The following DNAH11 variants were observed in gnomAD, a reference collection of about 807,000 sequenced individuals.
The protein encoded by DNAH11 is axonemal beta dynein heavy chain 11.
Under a neutral mutation model 526.0 loss-of-function variants are expected in DNAH11, and 442 were observed. That is an observed-to-expected ratio of 0.84 (90% CI 0.78 to 0.91). The LOEUF (loss-of-function observed/expected upper bound fraction) is 0.91, where lower values mean the gene tolerates loss of function less well. Ranked by LOEUF, DNAH11 falls within the 40% of genes least tolerant of loss-of-function variation. DNAH11 has a pLI of 0.00. For synonymous variants in DNAH11, 2,461 were observed against 1,935.9 expected (o/e 1.27, Z -7.12); for missense variants, 6,989 against 5,448.7 (o/e 1.28, Z -8.90).
intron 40 of DNAH11, among the ~76,000 whole-genome samples, chr7:21,708,103 A>G (rs897247344): frequency 2.6e-5 from 4 of 152,196 alleles, no homozygotes; most frequent in African/African-American, 7.2e-5. Flanking sequence ...ATCAGGAGTG[A>G]AGTCAACATG....
chr7:21,689,018 G>A (rs1452797056), intron 34 of DNAH11, among the ~76,000 whole-genome samples: 1 of 152,156 alleles, frequency 6.6e-6, no homozygotes, highest in African/African-American at 2.4e-5. Context: ...TTTACCTGTT[G>A]TAGAAGTTTC....
At position 21,725,984 on chromosome 7, in the gene DNAH11, G is replaced by A; in HGVS notation, c.7440G>A (p.Gln2480=). 6.5e-7 allele frequency: 1 copy of A among 1,548,384 alleles called. No homozygotes were observed. ...CTATGGATCCAGATGTGCCTCTGCA[G>A]GTAGGTGTGTGGAACATAGCAATTG... The part of the protein sequence containing the change: ...QFTMDPDVPL[Q]TVLVHTTETA... Residue 2480 remains glutamine (Q), a splice_region_variant and synonymous_variant, in exon 45 of 82, where the codon CAG becomes CAA. Transcript: ENST00000409508.
intron 45 of DNAH11, among the ~76,000 whole-genome samples, chr7:21,726,627 C>T (rs993997860): frequency 1.3e-5 from 2 of 151,400 alleles, no homozygotes; most frequent in African/African-American, 2.4e-5. Flanking sequence ...TTTGGGAGGC[C>T]GAGGTGGGCA....
intron 73 of DNAH11, among the ~76,000 whole-genome samples, chr7:21,870,778 G>A (rs186936106): frequency 1.3e-5 from 2 of 152,134 alleles, no homozygotes; most frequent in African/African-American, 4.8e-5. Context: ...TTGGATATTT[G>A]TTTCAGACCT....
At chr7:21,809,799 C>T (rs1053274487) in intron 63 of DNAH11, among the ~76,000 whole-genome samples, 1 of 152,104 alleles carries the variant, frequency 6.6e-6, no homozygotes, top group South Asian at 2.1e-4. Flanking sequence ...CTCCTGACCT[C>T]AGGTGATTCA....
chr7:21,807,836 G>A (rs899213334), intron 62 of DNAH11, 47 bp from the exon 63 acceptor site: 20 of 1,552,274 alleles, frequency 1.3e-5, no homozygotes, highest in Non-Finnish European at 1.5e-5. Flanking sequence ...TTGTGGAGTT[G>A]ACATTCAGCC....
chr7:21,820,499 C>G (rs1179252109), intron 65 of DNAH11, among the ~76,000 whole-genome samples: 1 of 152,150 alleles, frequency 6.6e-6, no homozygotes, highest in Non-Finnish European at 1.5e-5. Flanking sequence ...GAATCCTGGA[C>G]AGAGAGCCCT....
chr7:21,640,508 C>CTTTTTTTTTTTTTTTTTT (rs144316063), intron 28 of DNAH11, among the ~76,000 whole-genome samples: 1 of 149,328 alleles, frequency 6.7e-6, no homozygotes, highest in Admixed American at 6.6e-5. Context: ...GGTAAGCATT[C>CTTTTTTTTTTTTTTTTTT]TTTTTCTTTT....
chr7:21,558,850 T>C lies in DNAH11; in HGVS notation c.544T>C (p.Cys182Arg). The change falls in exon 3 of 82, where the codon TGT becomes CGT. Residue 182 changes from cysteine to arginine, a missense_variant. Cys to Arg is a radical substitution (Grantham distance 180). Coordinates refer to ENST00000409508, the MANE Select transcript of DNAH11 (RefSeq NM_001277115.2). ...TAAGAACAACCATAAGTCCTGGTCC[T>C]GTTTTACTTCACAAGATATGGAATA... The part of the protein sequence containing the change: ...SNKNNHKSWS[C>R]FTSQDMEYHI... 1 of 1,609,126 alleles carries C rather than the reference T, an allele frequency of 6.2e-7. No individual in the cohort carries two copies. The highest frequency in any genetic ancestry group is 8.5e-7 in the Non-Finnish European group (1 of 1,177,742).
chr7:21,678,920 T>A (rs1353634499), intron 30 of DNAH11, among the ~76,000 whole-genome samples: 1 of 152,152 alleles, frequency 6.6e-6, no homozygotes, highest in African/African-American at 2.4e-5. Context: ...TGACAAGATA[T>A]GTGCACTCCC....
chr7:21,843,774 C>A (rs971345359), intron 66 of DNAH11, among the ~76,000 whole-genome samples: 2 of 152,090 alleles, frequency 1.3e-5, no homozygotes, highest in African/African-American at 2.4e-5. Flanking sequence ...CCACCACGCC[C>A]GGCCATGCTG....
At chr7:21,658,166 A>G (rs1363168439) in intron 29 of DNAH11, among the ~76,000 whole-genome samples, 1 of 152,092 alleles carries the variant, frequency 6.6e-6, no homozygotes, top group Non-Finnish European at 1.5e-5. Context: ...TTTTTAAAAA[A>G]AAAAAGATTA....
intron 25 of DNAH11, among the ~76,000 whole-genome samples, chr7:21,626,573 C>G (rs1459643981): frequency 1.3e-5 from 2 of 152,078 alleles, no homozygotes; most frequent in South Asian, 4.1e-4. Context: ...CAACAGTGTA[C>G]AAGTGTTCCC....
intron 65 of DNAH11, among the ~76,000 whole-genome samples, chr7:21,839,842 C>A (rs1407129296): frequency 1.3e-5 from 2 of 152,176 alleles, no homozygotes; most frequent in Non-Finnish European, 2.9e-5. Context: ...AGTGTAAGAT[C>A]ACTCTGCAGG....
intron 34 of DNAH11, 34 bp from the exon 35 acceptor site, chr7:21,690,731 A>G (rs1783580441): frequency 2.0e-6 from 3 of 1,489,686 alleles, no homozygotes; most frequent in Non-Finnish European, 2.8e-6. Flanking sequence ...TTCAATGAAC[A>G]CATTTAATTT....
intron 65 of DNAH11, among the ~76,000 whole-genome samples, chr7:21,836,080 A>T (rs929392717): frequency 2.0e-5 from 3 of 152,140 alleles, no homozygotes; most frequent in Non-Finnish European, 4.4e-5. Context: ...ACTACAAAAC[A>T]TTGATGAAAT....
At chr7:21,762,311 C>T (rs1197730458) in intron 54 of DNAH11, among the ~76,000 whole-genome samples, 2 of 152,196 alleles carry the variant, frequency 1.3e-5, no homozygotes, top group African/African-American at 2.4e-5. Flanking sequence ...TTTTCTAACA[C>T]ATTCCTAAGA....
intron 45 of DNAH11, among the ~76,000 whole-genome samples, chr7:21,728,248 T>A (rs1367090312): frequency 5.2e-5 from 2 of 38,374 alleles, no homozygotes; most frequent in East Asian, 6.3e-4. Flanking sequence ...TTTTTTTTTT[T>A]TTTTTTTTTT....
chr7:21,607,455 ACAGT>A (rs1785337834), intron 20 of DNAH11, among the ~76,000 whole-genome samples: 2 of 152,152 alleles, frequency 1.3e-5, no homozygotes, highest in Non-Finnish European at 1.5e-5. Flanking sequence ...AATCATGTTG[ACAGT>A]CAGTATTAAC....
Sources: gnomAD v4.1 joint callset for allele counts (sites outside exome capture counted in the v4.1 genomes callset) on GRCh38, gnomAD v4.1.1 for gene constraint, MANE v1.5 for transcripts, NCBI Gene and HGNC (gene_info 2026-07-23, HGNC 2026-07-21) for gene names.